ZMYM5: variants seen among roughly 807,000 people sequenced by gnomAD.
ZMYM5 encodes zinc finger MYM-type containing 5.
In ZMYM5, 41 loss-of-function variants were observed where a neutral mutation model predicts 61.8. The ratio of observed to expected loss-of-function variants is 0.66; its 90% CI spans 0.52 to 0.86. The LOEUF is 0.86. Ranked by LOEUF, ZMYM5 falls within the 40% of genes least tolerant of loss-of-function variation. ZMYM5 has a pLI of 0.00. For synonymous variants in ZMYM5, 257 were observed against 276.4 expected, an observed-to-expected ratio of 0.93 and a Z score of 0.70; for missense variants, 706 against 786.7, an observed-to-expected ratio of 0.90 and a Z score of 1.23.
chr13:19,831,787 CAAAAAA>C (rs1190448216), intron 7 of ZMYM5, among the ~76,000 whole-genome samples: 7 of 36,690 alleles, frequency 1.9e-4, no homozygotes, highest in Admixed American at 5.6e-4. Context: ...GACTCTGTCT[CAAAAAA>C]AAAAAAAAAA....
chr13:19,844,559 C>T (rs1953008055), intron 4 of ZMYM5, among the ~76,000 whole-genome samples: 1 of 152,114 alleles, frequency 6.6e-6, no homozygotes, highest in African/African-American at 2.4e-5. Context: ...GATGATACCA[C>T]CTTTCAGTTT....
chr13:19,846,960 AT>A (rs748509647), intron 4 of ZMYM5, among the ~76,000 whole-genome samples: 412 of 152,008 alleles, frequency 2.7e-3, no homozygotes, highest in Non-Finnish European at 4.0e-3. Flanking sequence ...TATGAAAAAA[AT>A]TTTTTTGAGA....
chr13:19,852,026 T>G lies in ZMYM5; in HGVS notation c.155A>C (p.Glu52Ala). 1 of 1,613,956 alleles carries G rather than the reference T, an allele frequency of 6.2e-7. No individual in the cohort carries two copies. Among genetic ancestry groups the G allele is most frequent in the Non-Finnish European group, 8.5e-7 (1 of 1,179,994 alleles). ...AACATCATCATCATCATCATCATCT[T>G]CCACTGGTGAGTTCCTAGATCTACT... Reference protein sequence around the residue: ...LVSRSRNSPVEDDDDDDDVVF... With the variant: ...LVSRSRNSPVADDDDDDDVVF... Residue 52 changes from glutamate to alanine, a missense_variant, in exon 3 of 8, where the codon GAA becomes GCA. Glu to Ala is a moderately radical substitution (Grantham distance 107). Transcript: ENST00000337963.
intron 4 of ZMYM5, among the ~76,000 whole-genome samples, chr13:19,844,063 G>A (rs111676116): frequency 0.01 from 1,567 of 151,542 alleles, 20 homozygotes; most frequent in Non-Finnish European, 0.018. Flanking sequence ...GCATGAACCC[G>A]GGAGGCAGAG....
At chr13:19,847,930 G>A (rs1311418296) in intron 4 of ZMYM5, among the ~76,000 whole-genome samples, 1 of 149,766 alleles carries the variant, frequency 6.7e-6, no homozygotes, top group Admixed American at 6.8e-5. Flanking sequence ...TGGGATTACA[G>A]GCGTGAGCCA....
In ZMYM5 at chr13:19,828,018, C is replaced by CAAAAA. The variant is rs66670324; in HGVS notation, c.1252-2788_1252-2784dup. Among the ~76,000 whole-genome samples, 186 of 65,768 alleles carry CAAAAA rather than the reference C, an allele frequency of 2.8e-3. 3 individuals carry two copies. The highest frequency in any genetic ancestry group is 9.2e-3 in the African/African-American group (156 of 16,958). 43.1% of individuals were successfully genotyped at this position (65,768 alleles called of 152,430 possible). A position where few individuals can be genotyped will look rare whatever the true frequency, so the allele number is the denominator to read the frequency against. On this transcript the variant is annotated intron_variant, in intron 7 of 7. Transcript: ENST00000337963. The stretch of plus-strand genomic sequence containing the variant: ...TGGGCGACAGAGCGAGACTCCATCT[C>CAAAAA]AAAAAAAAAAAAAAAAAAAAAAAGA...
intron 5 of ZMYM5, 79 bp from the exon 6 acceptor site, chr13:19,837,900 T>C: frequency 6.9e-7 from 1 of 1,440,366 alleles, no homozygotes; most frequent in African/African-American, 1.5e-5. Flanking sequence ...ATAATTGCCA[T>C]TTTTCATTTT....
intron 2 of ZMYM5, among the ~76,000 whole-genome samples, chr13:19,854,492 G>GC (rs1411392327): frequency 6.6e-6 from 1 of 152,006 alleles, no homozygotes; most frequent in African/African-American, 2.4e-5. Flanking sequence ...AGTCGTGGTG[G>GC]CAGGCGCCTG....
intron 2 of ZMYM5, among the ~76,000 whole-genome samples, chr13:19,857,703 C>A (rs1369051648): frequency 6.6e-6 from 1 of 151,978 alleles, no homozygotes; most frequent in Non-Finnish European, 1.5e-5. Flanking sequence ...GGGCAACAAA[C>A]TGAGAACTCA....
At chr13:19,839,802 A>G (rs1447528215) in intron 4 of ZMYM5, among the ~76,000 whole-genome samples, 1 of 152,198 alleles carries the variant, frequency 6.6e-6, no homozygotes, top group Non-Finnish European at 1.5e-5. Flanking sequence ...GTTTAATATA[A>G]ATCTATTATT....
intron 7 of ZMYM5, among the ~76,000 whole-genome samples, chr13:19,832,352 A>G (rs541439632): frequency 6.6e-6 from 1 of 151,828 alleles, no homozygotes; most frequent in South Asian, 2.1e-4. Context: ...GTTGAGACAG[A>G]GTCTTGCTCT....
At chr13:19,854,190 A>G (rs1161070387) in intron 2 of ZMYM5, among the ~76,000 whole-genome samples, 1 of 151,962 alleles carries the variant, frequency 6.6e-6, no homozygotes, top group East Asian at 2.0e-4. Flanking sequence ...TTGTATTTTT[A>G]GTAGATACGG....
chr13:19,839,210 G>A (rs560986582), intron 4 of ZMYM5, among the ~76,000 whole-genome samples: 18 of 152,108 alleles, frequency 1.2e-4, no homozygotes, highest in East Asian at 3.9e-4. Flanking sequence ...AAATGTTGGC[G>A]TCTGGAATTG....
chr13:19,848,803 G>A (rs1289548068), intron 4 of ZMYM5, among the ~76,000 whole-genome samples: 3 of 151,884 alleles, frequency 2.0e-5, no homozygotes, highest in African/African-American at 7.3e-5. Context: ...CCAAAGTGCT[G>A]GGATTACAGG....
At chr13:19,835,972 C>T (rs750008054) in intron 6 of ZMYM5, among the ~76,000 whole-genome samples, 22 of 151,934 alleles carry the variant, frequency 1.4e-4, no homozygotes, top group Non-Finnish European at 2.4e-4. Context: ...TACAGGCGCC[C>T]GCCACCACGC....
intron 4 of ZMYM5, among the ~76,000 whole-genome samples, chr13:19,839,277 A>G (rs67121757): frequency 0.11 from 17,313 of 152,232 alleles, 1,253 homozygotes; most frequent in African/African-American, 0.2. Flanking sequence ...GATCTCCTGA[A>G]TGTAATATTA....
intron 7 of ZMYM5, among the ~76,000 whole-genome samples, chr13:19,827,589 C>T (rs1890973841): frequency 6.6e-6 from 1 of 152,108 alleles, no homozygotes; most frequent in South Asian, 2.1e-4. Context: ...TAGATGAGGT[C>T]ACCATATCTG....
intron 2 of ZMYM5, among the ~76,000 whole-genome samples, chr13:19,855,050 G>T (rs1468288271): frequency 6.6e-6 from 1 of 152,094 alleles, no homozygotes; most frequent in Non-Finnish European, 1.5e-5. Flanking sequence ...AATAAGGTTT[G>T]TAAAGAAATG....
In ZMYM5 at chr13:19,835,480, T is replaced by C; in HGVS notation, c.1248A>G (p.Lys416=). ...FCCQSCINEY[K]QMMETKSKKL... ...AAAGCTCATGAAAAAGAATTACCTG[T>C]TTATATTCGTTAATACAACTTTGGC... The change falls in exon 7 of 8, where the codon AAA becomes AAG. Residue 416 remains lysine, a synonymous_variant. Coordinates refer to ENST00000337963, the MANE Select transcript of ZMYM5 (RefSeq NM_001142684.2). The C allele has an allele frequency of 7.3e-7, 1 of 1,366,584 alleles. No homozygotes were observed. The highest frequency in any genetic ancestry group is 9.8e-7 in the Non-Finnish European group (1 of 1,021,186). The allele number at this position is 1,366,584 out of a possible 1,614,324, so 84.7% of individuals were successfully genotyped here. A position where few individuals can be genotyped will look rare whatever the true frequency, so the allele number is the denominator to read the frequency against.
Sources: gnomAD v4.1 joint callset for allele counts (sites outside exome capture counted in the v4.1 genomes callset) on GRCh38, gnomAD v4.1.1 for gene constraint, MANE v1.5 for transcripts, NCBI Gene and HGNC (gene_info 2026-07-23, HGNC 2026-07-21) for gene names.